The following MAGI2 variants were observed in gnomAD, a reference collection of about 807,000 sequenced individuals.
The protein encoded by MAGI2 is membrane-associated guanylate kinase, WW and PDZ domain-containing protein 2.
MAGI2 carries 35 observed loss-of-function variants against 133.3 expected under a neutral mutation model. That is an observed-to-expected ratio of 0.26 (90% confidence interval 0.20 to 0.35). The LOEUF (loss-of-function observed/expected upper bound fraction) is 0.35, where lower values mean the gene tolerates loss of function less well. MAGI2 is among the 10% of genes least tolerant of loss of function. The pLI, the probability that MAGI2 is intolerant of heterozygous loss-of-function variation, is 1.00. For synonymous variants in MAGI2, 729 were observed against 710.6 expected (o/e 1.03, Z -0.41); for missense variants, 1,636 against 1,863.4 (o/e 0.88, Z 2.25).
intron 2 of MAGI2, among the ~76,000 whole-genome samples, chr7:78,630,001 CAA>C (rs1406553143): frequency 6.6e-6 from 1 of 151,588 alleles, no homozygotes; most frequent in Non-Finnish European, 1.5e-5. Flanking sequence ...TTTTATTTGT[CAA>C]AGTTGCATAT....
chr7:78,781,627 A>G (rs37847), intron 2 of MAGI2, among the ~76,000 whole-genome samples: 1 of 151,958 alleles, frequency 6.6e-6, no homozygotes, highest in South Asian at 2.1e-4. Flanking sequence ...AAAAGAAATA[A>G]CCTACATATT....
intron 6 of MAGI2, among the ~76,000 whole-genome samples, chr7:78,388,948 T>A (rs16885987): frequency 0.049 from 7,406 of 152,234 alleles, 454 homozygotes; most frequent in East Asian, 0.18. Context: ...ATCAGGTGAC[T>A]TTTTCAAGAA....
At chr7:79,390,240 C>T (rs1053125416) in intron 1 of MAGI2, among the ~76,000 whole-genome samples, 2 of 152,084 alleles carry the variant, frequency 1.3e-5, no homozygotes, top group Admixed American at 6.6e-5. Context: ...AAACTCAGGA[C>T]GCAATTCCAC....
At chr7:78,330,736 TCAGACA>T (rs914538401) in intron 9 of MAGI2, among the ~76,000 whole-genome samples, 12 of 151,602 alleles carry the variant, frequency 7.9e-5, no homozygotes, top group Admixed American at 1.3e-4. Context: ...AACGATCAAG[TCAGACA>T]CAGGTTTTGA....
chr7:78,273,653 T>C (rs112688371), intron 9 of MAGI2, among the ~76,000 whole-genome samples: 1,675 of 152,298 alleles, frequency 0.011, 28 homozygotes, highest in African/African-American at 0.038. Flanking sequence ...CTTTTTTCCC[T>C]AATCTTCTCT....
chr7:79,296,923 A>G (rs780833949), intron 1 of MAGI2, among the ~76,000 whole-genome samples: 8 of 152,344 alleles, frequency 5.3e-5, no homozygotes, highest in Non-Finnish European at 8.8e-5. Flanking sequence ...ATTTAAAGTG[A>G]TGGATGTGCT....
At chr7:78,627,320 A>T in intron 2 of MAGI2, 81 bp from the exon 3 acceptor site, 1 of 1,281,404 alleles carries the variant, frequency 7.8e-7, no homozygotes, top group Non-Finnish European at 1.0e-6. Context: ...ATACTTCTGA[A>T]TATTCAGTGC....
intron 6 of MAGI2, among the ~76,000 whole-genome samples, chr7:78,423,433 T>A (rs1162182262): frequency 6.6e-6 from 1 of 152,210 alleles, no homozygotes; most frequent in Non-Finnish European, 1.5e-5. Context: ...TCTTAAAGTC[T>A]TTATCAGCAG....
chr7:78,126,278 T>G (rs1820976763), intron 19 of MAGI2, among the ~76,000 whole-genome samples: 1 of 151,972 alleles, frequency 6.6e-6, no homozygotes, highest in African/African-American at 2.4e-5. Context: ...ATCTGATAAT[T>G]AGATCTCTCA....
chr7:78,725,846 A>T (rs868145969), intron 2 of MAGI2, among the ~76,000 whole-genome samples: 1 of 145,620 alleles, frequency 6.9e-6, no homozygotes, highest in Non-Finnish European at 1.5e-5. Context: ...AAGTTAAACT[A>T]GACACTCCCT....
rs573539291 is a variant in MAGI2, at chr7:78,256,913, T to A, written c.1409-332A>T. ...TCTATGCTTCTTTTTCATCTTATAT[T>A]CCATCTTCAGTGTAATTCAGTTAAT... On this transcript the variant is annotated intron_variant, in intron 9 of 21. Transcript: ENST00000354212. 1.0e-3 allele frequency among the ~76,000 whole-genome samples: 154 copies of A among 152,326 alleles called. 1 individual carries two copies. Among genetic ancestry groups the A allele is most frequent in the African/African-American group, 3.4e-3 (141 of 41,574 alleles).
intron 6 of MAGI2, among the ~76,000 whole-genome samples, chr7:78,445,802 C>T (rs1788073187): frequency 6.6e-6 from 1 of 151,882 alleles, no homozygotes; most frequent in South Asian, 2.1e-4. Flanking sequence ...GCATTTTCTT[C>T]CTTGAAAACA....
intron 1 of MAGI2, among the ~76,000 whole-genome samples, chr7:79,130,994 C>T (rs1820894715): frequency 6.6e-6 from 1 of 152,040 alleles, no homozygotes; most frequent in Admixed American, 6.6e-5. Flanking sequence ...ATAGAAGGAA[C>T]AGGGATGAGG....
chr7:79,390,754 G>A (rs1844542743), intron 1 of MAGI2, among the ~76,000 whole-genome samples: 1 of 152,136 alleles, frequency 6.6e-6, no homozygotes, highest in Non-Finnish European at 1.5e-5. Context: ...AAGTCATATT[G>A]CAGGGCAAGA....
chr7:79,288,623 T>G (rs1310332597), intron 1 of MAGI2, among the ~76,000 whole-genome samples: 1 of 152,138 alleles, frequency 6.6e-6, no homozygotes, highest in African/African-American at 2.4e-5. Context: ...TTTTACCAAC[T>G]GGTAACTATC....
chr7:78,831,306 T>G (rs1018811309), intron 2 of MAGI2, among the ~76,000 whole-genome samples: 2 of 152,210 alleles, frequency 1.3e-5, no homozygotes, highest in African/African-American at 4.8e-5. Context: ...ATGAAATGCC[T>G]TACATTTTTA....
chr7:78,779,051 C>A lies in MAGI2; in HGVS notation c.419-151812G>T, dbSNP rs553107797. 2.0e-5 allele frequency among the ~76,000 whole-genome samples: 3 copies of A among 152,044 alleles called. No homozygotes were observed. The South Asian group carries it at 6.2e-4, about 32-fold the overall frequency. On this transcript the variant is annotated intron_variant, in intron 2 of 21. Coordinates refer to ENST00000354212, the MANE Select transcript of MAGI2 (RefSeq NM_012301.4). Reference sequence around the variant, plus strand: ...CCTCCCGAGTAGTGGGGACTGCAGGCACATGTGCCACCTTGCCTGGCTAAT... The same window carrying A: ...CCTCCCGAGTAGTGGGGACTGCAGGAACATGTGCCACCTTGCCTGGCTAAT...
chr7:78,420,122 A>C (rs1305921350), intron 6 of MAGI2, among the ~76,000 whole-genome samples: 1 of 152,122 alleles, frequency 6.6e-6, no homozygotes, highest in Non-Finnish European at 1.5e-5. Context: ...TAGCATTGGC[A>C]CCAATAAAGG....
intron 1 of MAGI2, among the ~76,000 whole-genome samples, chr7:79,347,773 A>G (rs1170419310): frequency 1.3e-5 from 2 of 151,990 alleles, no homozygotes; most frequent in Non-Finnish European, 2.9e-5. Context: ...AAAAGCATGG[A>G]TAAAACTTAA....
Sources: gnomAD v4.1 joint callset for allele counts (sites outside exome capture counted in the v4.1 genomes callset) on GRCh38, gnomAD v4.1.1 for gene constraint, MANE v1.5 for transcripts, NCBI Gene and HGNC (gene_info 2026-07-23, HGNC 2026-07-21) for gene names.